Variants in PPIL4 observed in about 807,000 individuals in gnomAD.
PPIL4 encodes peptidyl-prolyl cis-trans isomerase-like 4.
Under a neutral mutation model 69.1 loss-of-function variants are expected in PPIL4, and 50 were observed. That is an observed-to-expected ratio of 0.72 (90% CI 0.58 to 0.92). The LOEUF (loss-of-function observed/expected upper bound fraction) is 0.92. PPIL4 is among the 40% of genes least tolerant of loss of function. The probability of loss-of-function intolerance (pLI) is 0.00; values close to 1 mark genes in which losing one functional copy is unlikely to be tolerated. For missense variants in PPIL4, 480 were observed against 587.9 expected (o/e 0.82, Z 1.90); for synonymous variants, 193 against 191.6 (o/e 1.01, Z -0.06).
At chr6:149,542,676 A>G (rs1777381555) in intron 1 of PPIL4, among the ~76,000 whole-genome samples, 1 of 152,226 alleles carries the variant, frequency 6.6e-6, no homozygotes. Flanking sequence ...TAAAAATTCC[A>G]CAAGAGTTCA....
At chr6:149,541,477 A>G in intron 2 of PPIL4, 42 bp downstream of exon 2, 2 of 1,513,250 alleles carry the variant, frequency 1.3e-6, no homozygotes, top group African/African-American at 2.7e-5. Context: ...TTTGTTAGAT[A>G]GTTCCAATAA....
chr6:149,535,990 T>C (rs904404008), intron 4 of PPIL4, among the ~76,000 whole-genome samples: 2 of 152,376 alleles, frequency 1.3e-5, no homozygotes, highest in Admixed American at 1.3e-4. Flanking sequence ...GTAAGTCTAT[T>C]GGTGCCATTT....
intron 11 of PPIL4, among the ~76,000 whole-genome samples, chr6:149,515,560 G>GT (rs1002859786): frequency 7.2e-5 from 11 of 151,994 alleles, no homozygotes; most frequent in Admixed American, 2.0e-4. Context: ...TTAATGTCTG[G>GT]TTTTTTTTCC....
At chr6:149,511,983 A>C (rs1173530745) in intron 12 of PPIL4, among the ~76,000 whole-genome samples, 172 bp downstream of exon 12, 1 of 152,228 alleles carries the variant, frequency 6.6e-6, no homozygotes, top group Non-Finnish European at 1.5e-5. Context: ...TTTGTGATAA[A>C]TATTTTTGAA....
chr6:149,534,043 C>G (rs1777238093), intron 6 of PPIL4, among the ~76,000 whole-genome samples: 2 of 152,002 alleles, frequency 1.3e-5, no homozygotes, highest in South Asian at 4.2e-4. Context: ...ACAATCCCAG[C>G]AACTCAAGAG....
intron 8 of PPIL4, among the ~76,000 whole-genome samples, chr6:149,525,897 G>A (rs750547431): frequency 2.0e-5 from 3 of 152,124 alleles, no homozygotes; most frequent in East Asian, 1.9e-4. Flanking sequence ...TCAGGAGCTC[G>A]AGACCAGCTT....
At chr6:149,521,221 C>A in intron 9 of PPIL4, 50 bp from the exon 10 acceptor site, 1 of 1,084,892 alleles carries the variant, frequency 9.2e-7, no homozygotes, top group South Asian at 1.3e-5. Context: ...GAAAAGATTT[C>A]TGTAGCTAGA....
Position 149,541,408 on chromosome 6 carries a change from G to A in PPIL4, c.162C>T (p.Gly54=), listed in dbSNP as rs1167264954. Residue 54 remains glycine (G), a synonymous_variant, in exon 3 of 13, where the codon GGC becomes GGT. Coordinates refer to ENST00000253329, the MANE Select transcript of PPIL4 (RefSeq NM_139126.4). ...NVQRDFIIQT[G]DPTGTGRGGE... is the part of the protein sequence containing the mutation. ...CTCCACGGCCAGTCCCTGTAGGATCGCCAGTTTGTATGATAAAATCCCTCT... is the reference window on the plus strand; with the variant it reads ...CTCCACGGCCAGTCCCTGTAGGATCACCAGTTTGTATGATAAAATCCCTCT... 3.8e-6 allele frequency: 6 copies of A among 1,559,386 alleles called. No individual in the cohort carries two copies. The highest frequency in any genetic ancestry group is 1.7e-4 in the Middle Eastern group (1 of 5,894).
At chr6:149,539,575 T>A (rs1777328533) in intron 4 of PPIL4, among the ~76,000 whole-genome samples, 1 of 152,152 alleles carries the variant, frequency 6.6e-6, no homozygotes, top group Admixed American at 6.5e-5. Context: ...GATGGGGTTT[T>A]CACCATGTTT....
At chr6:149,522,743 G>A (rs986554794) in intron 9 of PPIL4, among the ~76,000 whole-genome samples, 3 of 152,118 alleles carry the variant, frequency 2.0e-5, no homozygotes, top group Admixed American at 1.3e-4. Context: ...CTCCCGAGTA[G>A]TTGGGACTAC....
chr6:149,505,183 T>C lies in PPIL4; in HGVS notation c.*270A>G, dbSNP rs1776749596. 1 of 318,462 alleles carries C rather than the reference T, an allele frequency of 3.1e-6. No homozygotes were observed. Among genetic ancestry groups the C allele is most frequent in the African/African-American group, 2.2e-5 (1 of 45,864 alleles). 19.7% of individuals were successfully genotyped at this position (318,462 alleles called of 1,614,324 possible). A position where few individuals can be genotyped will look rare whatever the true frequency, so the allele number is the denominator to read the frequency against. On this transcript the variant is annotated 3_prime_UTR_variant, in exon 13 of 13. Transcript: ENST00000253329. ...TATGTATTTTTGTAGTATGAAATACTTCATTAAAAAAAGAGTGAAAATGTA... is the reference window on the plus strand; with the variant it reads ...TATGTATTTTTGTAGTATGAAATACCTCATTAAAAAAAGAGTGAAAATGTA...
At chr6:149,527,425 C>A (rs1777124613) in intron 7 of PPIL4, among the ~76,000 whole-genome samples, 1 of 152,202 alleles carries the variant, frequency 6.6e-6, no homozygotes, top group Non-Finnish European at 1.5e-5. Flanking sequence ...CCCAAGACCA[C>A]ACAGTGGTAA....
At chr6:149,524,166 T>C (rs535991082) in intron 9 of PPIL4, among the ~76,000 whole-genome samples, 78 of 152,276 alleles carry the variant, frequency 5.1e-4, no homozygotes, top group African/African-American at 1.9e-3. Context: ...CAGACATATC[T>C]GAGTTCAAAT....
At position 149,534,746 on chromosome 6, in the gene PPIL4, G is replaced by T. The variant is rs768238528; in HGVS notation, c.493C>A (p.Pro165Thr). ...AATAAATCAGGAGGGTCATCAAATGGATCATCTAAAATCACCGTATGATTT... is the reference window on the plus strand; with the variant it reads ...AATAAATCAGGAGGGTCATCAAATGTATCATCTAAAATCACCGTATGATTT... ...RINHTVILDD[P>T]FDDPPDLLIP... The change falls in exon 6 of 13, where the codon CCA (proline) becomes ACA (threonine). Residue 165 changes from proline to threonine, a missense_variant. Transcript: ENST00000253329. 6.3e-7 allele frequency: 1 copy of T among 1,588,194 alleles called. No homozygotes were observed.
At chr6:149,525,436 A>C (rs1777092616) in intron 8 of PPIL4, among the ~76,000 whole-genome samples, 1 of 152,344 alleles carries the variant, frequency 6.6e-6, no homozygotes, top group Admixed American at 6.5e-5. Context: ...ATAGGCCTAC[A>C]GTCCTAAATT....
At chr6:149,525,601 G>A (rs1366146517) in intron 8 of PPIL4, among the ~76,000 whole-genome samples, 1 of 152,124 alleles carries the variant, frequency 6.6e-6, no homozygotes, top group East Asian at 1.9e-4. Context: ...AATAATGTAT[G>A]CATACTCATA....
chr6:149,535,591 C>G lies in PPIL4; in HGVS notation c.464+5G>C. The G allele has an allele frequency of 6.2e-7, 1 of 1,606,846 alleles. No individual in the cohort carries two copies. Among genetic ancestry groups the G allele is most frequent in the Non-Finnish European group, 8.5e-7 (1 of 1,176,402 alleles). ...GTACATTCAGATAGCAAATTGTAACCATACCTGATATCCTGATATGGTACA... is the reference window on the plus strand; with the variant it reads ...GTACATTCAGATAGCAAATTGTAACGATACCTGATATCCTGATATGGTACA... On this transcript the variant is annotated splice_donor_5th_base_variant and intron_variant, in intron 5 of 12. Coordinates refer to ENST00000253329, the MANE Select transcript of PPIL4 (RefSeq NM_139126.4).
At chr6:149,545,243 G>T (rs577389573) in intron 1 of PPIL4, among the ~76,000 whole-genome samples, 1 of 152,322 alleles carries the variant, frequency 6.6e-6, no homozygotes, top group South Asian at 2.1e-4. Flanking sequence ...ACTAGTTCAA[G>T]TGTTCTATAT....
In PPIL4 at chr6:149,504,851, A is replaced by C. The variant is rs1776743374; in HGVS notation, c.*602T>G. On this transcript the variant is annotated 3_prime_UTR_variant, in exon 13 of 13. Coordinates refer to ENST00000253329, the MANE Select transcript of PPIL4 (RefSeq NM_139126.4). ...ACAAATAAACAAAACTCAAATGTCCATCAAGAATGAATAAGTTGTAGTATA... is the reference window on the plus strand; with the variant it reads ...ACAAATAAACAAAACTCAAATGTCCCTCAAGAATGAATAAGTTGTAGTATA... 6.6e-6 allele frequency: 1 copy of C among 152,270 alleles called. No individual in the cohort carries two copies. Among genetic ancestry groups the C allele is most frequent in the Non-Finnish European group, 1.5e-5 (1 of 68,050 alleles). 9.4% of individuals were successfully genotyped at this position (152,270 alleles called of 1,614,324 possible). A position where few individuals can be genotyped will look rare whatever the true frequency, so the allele number is the denominator to read the frequency against.
Sources: gnomAD v4.1 joint callset for allele counts (sites outside exome capture counted in the v4.1 genomes callset) on GRCh38, gnomAD v4.1.1 for gene constraint, MANE v1.5 for transcripts, NCBI Gene and HGNC (gene_info 2026-07-23, HGNC 2026-07-21) for gene names.